Variants in IMMT observed in about 807,000 individuals in gnomAD.
The protein encoded by IMMT is inner membrane mitochondrial protein.
In IMMT, 40 loss-of-function variants were observed where a neutral mutation model predicts 92.7. The ratio of observed to expected loss-of-function variants is 0.43; its 90% confidence interval spans 0.34 to 0.56. IMMT has a LOEUF of 0.56. IMMT is among the 20% of genes least tolerant of loss of function. IMMT has a pLI of 0.03. For missense variants in IMMT, 831 were observed against 912.1 expected (o/e 0.91, Z 1.14); for synonymous variants, 322 against 336.1 (o/e 0.96, Z 0.46).
At position 86,147,849 on chromosome 2, in the gene IMMT, T is replaced by C. The variant is rs748907732; in HGVS notation, c.1402-16A>G. On this transcript the variant is annotated splice_polypyrimidine_tract_variant and intron_variant, in intron 12 of 14. Transcript: ENST00000410111. ...CTTCTTCTATCTGTGAAACCAAACA[T>C]AGTAGTTATTAGTTTTCAATTCTCC... The C allele has an allele frequency of 1.4e-5, 23 of 1,609,624 alleles. 1 individual carries two copies. In the South Asian group the frequency reaches 2.3e-4, roughly 16 times the overall value.
chr2:86,156,398 C>G (rs534874412), intron 10 of IMMT, among the ~76,000 whole-genome samples: 58 of 151,990 alleles, frequency 3.8e-4, no homozygotes, highest in Non-Finnish European at 7.6e-4. Context: ...TTGAGACCAG[C>G]CTGACCAACA....
chr2:86,157,917 T>C (rs1675979211), intron 10 of IMMT, among the ~76,000 whole-genome samples: 1 of 150,992 alleles, frequency 6.6e-6, no homozygotes, highest in Non-Finnish European at 1.5e-5. Context: ...GGTGGAGGAC[T>C]ACACTCCAGC....
intron 12 of IMMT, among the ~76,000 whole-genome samples, chr2:86,150,705 C>CA (rs1675403351): frequency 6.6e-6 from 1 of 152,176 alleles, no homozygotes; most frequent in South Asian, 2.1e-4. Flanking sequence ...CTTTAAGGGA[C>CA]AGAGGCTCAG....
At chr2:86,179,141 C>T (rs933573840) in intron 3 of IMMT, among the ~76,000 whole-genome samples, 1 of 152,198 alleles carries the variant, frequency 6.6e-6, no homozygotes, top group African/African-American at 2.4e-5. Flanking sequence ...TTCTTGTCAT[C>T]ATTCCCTAAA....
chr2:86,169,326 G>T (rs1364772365), intron 6 of IMMT, among the ~76,000 whole-genome samples: 1 of 152,208 alleles, frequency 6.6e-6, no homozygotes, highest in African/African-American at 2.4e-5. Context: ...CACTTAGTTA[G>T]AAGTCATTTA....
intron 1 of IMMT, among the ~76,000 whole-genome samples, chr2:86,182,751 A>G (rs1672516268): frequency 8.2e-6 from 1 of 121,698 alleles, no homozygotes; most frequent in Non-Finnish European, 1.9e-5. Context: ...AGGCTGAGGC[A>G]TGAGAATCAC....
At chr2:86,173,884 T>C (rs1018091891) in intron 3 of IMMT, 123 bp from the exon 4 acceptor site, 2 of 589,412 alleles carry the variant, frequency 3.4e-6, no homozygotes, top group East Asian at 6.1e-5. Flanking sequence ...CAACACTTTG[T>C]AACATATGTA....
At chr2:86,186,437 C>G (rs1156356317) in intron 1 of IMMT, among the ~76,000 whole-genome samples, 3 of 152,160 alleles carry the variant, frequency 2.0e-5, no homozygotes, top group Non-Finnish European at 2.9e-5. Context: ...CAAGGGCAGG[C>G]CTTTGTTACT....
At chr2:86,181,681 T>TA (rs1394371664) in intron 1 of IMMT, among the ~76,000 whole-genome samples, 3 of 152,096 alleles carry the variant, frequency 2.0e-5, no homozygotes, top group Non-Finnish European at 2.9e-5. Context: ...GTATTTGCTA[T>TA]ATGTTTTCTT....
Position 86,147,745 on chromosome 2 carries a change from A to G in IMMT, c.1490T>C (p.Val497Ala). 1 of 1,613,904 alleles carries G rather than the reference A, an allele frequency of 6.2e-7. No individual in the cohort carries two copies. Among genetic ancestry groups the G allele is most frequent in the Non-Finnish European group, 8.5e-7 (1 of 1,179,834 alleles). The change falls in exon 13 of 15, where the codon GTC becomes GCC. Residue 497 changes from valine (V) to alanine (A), a missense_variant. By Grantham distance (64) the Val-to-Ala change is moderately conservative. Coordinates refer to ENST00000410111, the MANE Select transcript of IMMT (RefSeq NM_006839.3). ...AAAHTDHLRD[V>A]LRVQEQELKS... is the part of the protein sequence containing the mutation. ...CAATTCCTGTTCTTGTACCCTAAGG[A>G]CATCTCGCAAGTGATCAGTGTGGGC...
rs1677341530 is a variant in IMMT, at chr2:86,175,103, GT to G, written c.310-1343del. Among the ~76,000 whole-genome samples the G allele has an allele frequency of 2.0e-5, 3 of 152,190 alleles. No individual in the cohort carries two copies. The South Asian group carries it at 6.2e-4, about 32-fold the overall frequency. ...GTGTGATCTATTTCCAAATTCAGTT[GT>G]TTTATTCCTCTAATTTCTTTTCCTG... On this transcript the variant is annotated intron_variant, in intron 3 of 14. Transcript: ENST00000410111.
intron 1 of IMMT, among the ~76,000 whole-genome samples, chr2:86,182,317 G>A (rs960176257): frequency 3.3e-5 from 5 of 152,074 alleles, no homozygotes; most frequent in African/African-American, 7.2e-5. Context: ...TGTATTTAAC[G>A]AATATCAGAA....
Position 86,159,527 on chromosome 2 carries a change from G to A in IMMT, c.1032+9C>T, listed in dbSNP as rs761568034. The A allele has an allele frequency of 5.1e-6, 8 of 1,565,964 alleles. No homozygotes were observed. Among genetic ancestry groups the A allele is most frequent in the South Asian group, 3.4e-5 (3 of 87,598 alleles). ...AAATATAAAATACTATAAGACTTAG[G>A]AAACATACCTTTTTGACCACATTAT... is the stretch of plus-strand genomic sequence containing the variant. On this transcript the variant is annotated intron_variant, in intron 9 of 14. Transcript: ENST00000410111.
chr2:86,191,863 T>C (rs922962702), intron 1 of IMMT, among the ~76,000 whole-genome samples: 3 of 151,546 alleles, frequency 2.0e-5, no homozygotes, highest in Admixed American at 6.6e-5. Flanking sequence ...TGCAGTGTGC[T>C]GAAATGGCGC....
At chr2:86,159,756 TA>T (rs1215926905) in intron 8 of IMMT, 85 bp from the exon 9 acceptor site, 1 of 1,205,278 alleles carries the variant, frequency 8.3e-7, no homozygotes, top group African/African-American at 1.6e-5. Flanking sequence ...ATATAATTGT[TA>T]AAAGTCTATG....
chr2:86,159,494 A>G (rs867823127), intron 9 of IMMT, 42 bp downstream of exon 9: 1 of 1,362,072 alleles, frequency 7.3e-7, no homozygotes, highest in East Asian at 2.5e-5. Context: ...TTAAGAGATT[A>G]TATTTTAAAA....
intron 3 of IMMT, among the ~76,000 whole-genome samples, chr2:86,176,592 G>C (rs1677445284): frequency 6.6e-6 from 1 of 152,166 alleles, no homozygotes; most frequent in Non-Finnish European, 1.5e-5. Context: ...TTCTGGCCTA[G>C]CTACACCTGA....
At chr2:86,190,470 G>C (rs952294678) in intron 1 of IMMT, among the ~76,000 whole-genome samples, 1 of 152,208 alleles carries the variant, frequency 6.6e-6, no homozygotes, top group Non-Finnish European at 1.5e-5. Flanking sequence ...TTTGTAGTTT[G>C]AGAGAAGGCT....
chr2:86,149,879 C>CAA lies in IMMT; in HGVS notation c.1401+1416_1401+1417dup, dbSNP rs548731236. Reference sequence around the variant, plus strand: ...TGGGCCACAAAGACAGACTCTGTCTCAAAAAAAAAAAAAAAAAAAGAAAGA... The same window carrying CAA: ...TGGGCCACAAAGACAGACTCTGTCTCAAAAAAAAAAAAAAAAAAAAAGAAAGA... On this transcript the variant is annotated intron_variant, in intron 12 of 14. Coordinates refer to ENST00000410111, the MANE Select transcript of IMMT (RefSeq NM_006839.3). Among the ~76,000 whole-genome samples, 164 of 121,366 alleles carry CAA rather than the reference C, an allele frequency of 1.4e-3. 2 individuals are homozygous for CAA. Among genetic ancestry groups the CAA allele is most frequent in the Middle Eastern group, 4.3e-3 (1 of 230 alleles). 79.6% of individuals were successfully genotyped at this position (121,366 alleles called of 152,430 possible).
Sources: allele counts gnomAD v4.1 joint callset (sites outside exome capture counted in the v4.1 genomes callset), GRCh38; gene constraint gnomAD v4.1.1; transcripts MANE v1.5; gene names NCBI Gene and HGNC (gene_info 2026-07-23, HGNC 2026-07-21).